The following NRG3 variants were observed in gnomAD, a reference collection of about 807,000 sequenced individuals.
NRG3 encodes neuregulin 3, also known as pro-neuregulin-3, membrane-bound isoform.
Under a neutral mutation model 66.9 loss-of-function variants are expected in NRG3, and 31 were observed. That is an observed-to-expected ratio of 0.46 (90% CI 0.35 to 0.63). The LOEUF (loss-of-function observed/expected upper bound fraction) is 0.63. NRG3 is among the 20% of genes least tolerant of loss of function. The pLI, the probability that NRG3 is intolerant of heterozygous loss-of-function variation, is 0.00. For synonymous variants in NRG3, 393 were observed against 359.4 expected (o/e 1.09, Z -1.06); for missense variants, 910 against 878.9 (o/e 1.04, Z -0.45).
intron 5 of NRG3, among the ~76,000 whole-genome samples, chr10:82,956,156 C>T (rs1403943050): frequency 2.0e-5 from 3 of 152,014 alleles, no homozygotes; most frequent in Admixed American, 1.3e-4. Context: ...TAATGCCTAA[C>T]AATGGATTAA....
At chr10:82,652,771 C>T (rs1454017174) in intron 2 of NRG3, among the ~76,000 whole-genome samples, 2 of 152,196 alleles carry the variant, frequency 1.3e-5, no homozygotes, top group East Asian at 3.9e-4. Context: ...AATTTCTCTT[C>T]CTCCTGTCCC....
At position 82,978,373 on chromosome 10, in the gene NRG3, A is replaced by G. The variant is rs998003588; in HGVS notation, c.1413-577A>G. Among the ~76,000 whole-genome samples, 4 of 152,246 alleles carry G rather than the reference A, an allele frequency of 2.6e-5. No homozygotes were observed. In the East Asian group the frequency reaches 7.7e-4, roughly 29 times the overall value. On this transcript the variant is annotated intron_variant, in intron 7 of 8. Coordinates refer to ENST00000372141, the MANE Select transcript of NRG3 (RefSeq NM_001010848.4). Reference sequence around the variant, plus strand: ...AAATATATAATCAGATGTTTATTAAAAGCAAACTCAGAAGAAAAATAATTT... The same window carrying G: ...AAATATATAATCAGATGTTTATTAAGAGCAAACTCAGAAGAAAAATAATTT...
chr10:81,992,622 T>C lies in NRG3; in HGVS notation c.823+116459T>C, dbSNP rs140860136. On this transcript the variant is annotated intron_variant, in intron 1 of 8. Coordinates refer to ENST00000372141, the MANE Select transcript of NRG3 (RefSeq NM_001010848.4). ...TTCAGCAATAACTGTTTTAGGTTCCTTTTCTAACACTGTGGATGAGCTAGA... is the reference window on the plus strand; with the variant it reads ...TTCAGCAATAACTGTTTTAGGTTCCCTTTCTAACACTGTGGATGAGCTAGA... Among the ~76,000 whole-genome samples the C allele has an allele frequency of 1.7e-3, 262 of 152,318 alleles. 2 individuals carry two copies. The highest frequency in any genetic ancestry group is 5.2e-3 in the African/African-American group (216 of 41,576).
At chr10:82,334,972 T>C (rs542582441) in intron 1 of NRG3, among the ~76,000 whole-genome samples, 3 of 152,226 alleles carry the variant, frequency 2.0e-5, no homozygotes, top group Non-Finnish European at 2.9e-5. Context: ...ATTTATATAA[T>C]TCTCATTTTA....
At chr10:82,069,303 G>C (rs762729173) in intron 1 of NRG3, among the ~76,000 whole-genome samples, 7 of 152,130 alleles carry the variant, frequency 4.6e-5, no homozygotes, top group Non-Finnish European at 7.4e-5. Context: ...CCAGATACAC[G>C]AAAAGAGGCA....
chr10:82,825,501 A>G (rs1054860681), intron 3 of NRG3, among the ~76,000 whole-genome samples: 1 of 152,162 alleles, frequency 6.6e-6, no homozygotes, highest in African/African-American at 2.4e-5. Flanking sequence ...GTAATTGAGG[A>G]AGTGGTGGAA....
rs560891573 is a variant in NRG3 at position 81,994,243 on chromosome 10, T to C, written c.823+118080T>C. ...TTTCTTTACTGTTGACTATGTAAAA[T>C]AGTAACTTAAAATGCTTTTTATGCC... On this transcript the variant is annotated intron_variant, in intron 1 of 8. Coordinates refer to ENST00000372141, the MANE Select transcript of NRG3 (RefSeq NM_001010848.4). 2.6e-5 allele frequency among the ~76,000 whole-genome samples: 4 copies of C among 152,284 alleles called. No homozygotes were observed. In the East Asian group the frequency reaches 5.8e-4, roughly 22 times the overall value.
intron 1 of NRG3, among the ~76,000 whole-genome samples, chr10:82,095,980 C>T (rs557372961): frequency 3.3e-5 from 5 of 152,198 alleles, no homozygotes; most frequent in African/African-American, 1.2e-4. Flanking sequence ...GAAAGAGAGA[C>T]TCACAGAAAC....
chr10:82,079,298 A>G (rs1022831018), intron 1 of NRG3, among the ~76,000 whole-genome samples: 1 of 152,080 alleles, frequency 6.6e-6, no homozygotes, highest in South Asian at 2.1e-4. Flanking sequence ...TCAGCCTCCC[A>G]AAGTGCTGGG....
intron 2 of NRG3, among the ~76,000 whole-genome samples, chr10:82,536,846 AT>A (rs1183733162): frequency 6.6e-6 from 1 of 151,406 alleles, no homozygotes; most frequent in Non-Finnish European, 1.5e-5. Flanking sequence ...TTATTAAATA[AT>A]TTTTATTATT....
intron 3 of NRG3, among the ~76,000 whole-genome samples, chr10:82,856,170 A>G (rs1303239582): frequency 1.3e-5 from 2 of 152,206 alleles, no homozygotes; most frequent in Non-Finnish European, 2.9e-5. Flanking sequence ...AAAGACATAT[A>G]GATGTCACAT....
At chr10:81,884,383 A>G (rs921943342) in intron 1 of NRG3, among the ~76,000 whole-genome samples, 25 of 152,200 alleles carry the variant, frequency 1.6e-4, no homozygotes, top group Non-Finnish European at 3.5e-4. Flanking sequence ...ATGTTTCGGT[A>G]AAAGATAAAG....
At chr10:82,283,173 C>T (rs1313538062) in intron 1 of NRG3, among the ~76,000 whole-genome samples, 1 of 151,690 alleles carries the variant, frequency 6.6e-6, no homozygotes, top group African/African-American at 2.4e-5. Context: ...AGTGAGATCC[C>T]AGGGGTGAAG....
chr10:82,651,270 G>A (rs1200790299), intron 2 of NRG3, among the ~76,000 whole-genome samples: 1 of 152,198 alleles, frequency 6.6e-6, no homozygotes, highest in Non-Finnish European at 1.5e-5. Flanking sequence ...GCTGAGCTTA[G>A]AATGTGATGT....
At chr10:82,697,116 A>T (rs1054735288) in intron 2 of NRG3, among the ~76,000 whole-genome samples, 12 of 152,170 alleles carry the variant, frequency 7.9e-5, no homozygotes, top group African/African-American at 2.9e-4. Flanking sequence ...AAAAAGTTTC[A>T]TATTTGGGGT....
chr10:82,161,388 C>G (rs1590357940), intron 1 of NRG3, among the ~76,000 whole-genome samples: 1 of 152,118 alleles, frequency 6.6e-6, no homozygotes, highest in Non-Finnish European at 1.5e-5. Context: ...AGCATGAAAT[C>G]TTGTTTTAAA....
At chr10:82,865,511 T>A in intron 4 of NRG3, 74 bp downstream of exon 4, 2 of 1,420,124 alleles carry the variant, frequency 1.4e-6, no homozygotes, top group Non-Finnish European at 1.9e-6. Context: ...GCTTTCCTTC[T>A]CCATCTGGTT....
At chr10:82,627,035 A>G (rs2049477250) in intron 2 of NRG3, among the ~76,000 whole-genome samples, 1 of 151,626 alleles carries the variant, frequency 6.6e-6, no homozygotes, top group Admixed American at 6.6e-5. Flanking sequence ...TGTTCATTGT[A>G]GTTTAAATAA....
intron 1 of NRG3, among the ~76,000 whole-genome samples, chr10:81,982,571 C>G (rs1040313317): frequency 2.6e-5 from 4 of 152,178 alleles, no homozygotes; most frequent in Non-Finnish European, 5.9e-5. Context: ...GGTTAGGAGA[C>G]TAGAAATTCA....
Sources: gnomAD v4.1 joint callset for allele counts (sites outside exome capture counted in the v4.1 genomes callset) on GRCh38, gnomAD v4.1.1 for gene constraint, MANE v1.5 for transcripts, NCBI Gene and HGNC (gene_info 2026-07-23, HGNC 2026-07-21) for gene names.